The following JPH3 variants were observed in gnomAD, a reference collection of about 807,000 sequenced individuals.
JPH3 encodes junctophilin 3.
Under a neutral mutation model 59.6 loss-of-function variants are expected in JPH3, and 11 were observed. The ratio of observed to expected loss-of-function variants is 0.18; its 90% CI spans 0.12 to 0.31. JPH3 has a LOEUF of 0.31. JPH3 is among the 10% of genes least tolerant of loss of function. JPH3 has a pLI of 1.00. For synonymous variants in JPH3, 673 were observed against 483.6 expected (o/e 1.39, Z -5.14); for missense variants, 1,202 against 1,105.7 (o/e 1.09, Z -1.24).
intron 1 of JPH3, among the ~76,000 whole-genome samples, chr16:87,625,828 C>T (rs1329793932): frequency 1.3e-5 from 2 of 152,048 alleles, no homozygotes; most frequent in Non-Finnish European, 2.9e-5. Flanking sequence ...AGAACCGCAG[C>T]GGCTTGTAGA....
intron 2 of JPH3, among the ~76,000 whole-genome samples, chr16:87,675,951 A>G (rs146810432): frequency 1.3e-3 from 199 of 152,366 alleles, no homozygotes; most frequent in African/African-American, 4.3e-3. Flanking sequence ...CCATGAAACA[A>G]CAACAGCAAG....
intron 2 of JPH3, among the ~76,000 whole-genome samples, chr16:87,681,972 T>C (rs1306848010): frequency 6.6e-6 from 1 of 152,144 alleles, no homozygotes; most frequent in Non-Finnish European, 1.5e-5. Flanking sequence ...ATGAAAGCTG[T>C]GGACCCTCTG....
chr16:87,619,018 G>T (rs1597238908), intron 1 of JPH3, among the ~76,000 whole-genome samples: 1 of 151,978 alleles, frequency 6.6e-6, no homozygotes, highest in East Asian at 1.9e-4. Flanking sequence ...AACCTGGGAG[G>T]CAGAGGTTGC....
chr16:87,695,522 C>T, intron 4 of JPH3: 1 of 454,282 alleles, frequency 2.2e-6, no homozygotes, highest in Non-Finnish European at 4.4e-6. Flanking sequence ...CTGCGAGATG[C>T]AGGGCGTGGT....
chr16:87,669,070 C>T (rs1361979249), intron 2 of JPH3, among the ~76,000 whole-genome samples: 2 of 152,214 alleles, frequency 1.3e-5, no homozygotes, highest in Admixed American at 6.5e-5. Context: ...CTGCATCTCC[C>T]GGTGGCACAG....
At chr16:87,687,547 C>A (rs944664042) in intron 3 of JPH3, among the ~76,000 whole-genome samples, 18 of 152,358 alleles carry the variant, frequency 1.2e-4, no homozygotes, top group Admixed American at 2.6e-4. Context: ...GCCCAGGCCA[C>A]TTCCGGTGCC....
At chr16:87,642,799 C>T (rs1272174623) in intron 1 of JPH3, among the ~76,000 whole-genome samples, 3 of 152,240 alleles carry the variant, frequency 2.0e-5, no homozygotes, top group African/African-American at 2.4e-5. Flanking sequence ...ACACTGAGGG[C>T]CAGCGGGGCC....
At chr16:87,649,237 C>G (rs965436266) in intron 2 of JPH3, among the ~76,000 whole-genome samples, 1 of 152,200 alleles carries the variant, frequency 6.6e-6, no homozygotes, top group East Asian at 1.9e-4. Flanking sequence ...AGTGGGAACT[C>G]CCACTAGTGA....
intron 3 of JPH3, among the ~76,000 whole-genome samples, chr16:87,688,134 C>T (rs1248943844): frequency 6.6e-6 from 1 of 152,196 alleles, no homozygotes; most frequent in Non-Finnish European, 1.5e-5. Flanking sequence ...ACCCAACCAG[C>T]CCAGCCCTGT....
rs532043495 is a variant in JPH3, at chr16:87,636,801, C to T, written c.383-7457C>T. Among the ~76,000 whole-genome samples the T allele has an allele frequency of 7.9e-5, 12 of 152,352 alleles. No individual in the cohort carries two copies. In the East Asian group the frequency reaches 1.9e-3, roughly 24 times the overall value. On this transcript the variant is annotated intron_variant, in intron 1 of 4. Transcript: ENST00000284262. ...GTGCCGGGAGGCATGGCCAGAGCTC[C>T]GTCAGTTCATGCGTCGCTTAAACCT...
At chr16:87,682,510 A>G (rs1007461109) in intron 2 of JPH3, among the ~76,000 whole-genome samples, 2 of 152,184 alleles carry the variant, frequency 1.3e-5, no homozygotes, top group Non-Finnish European at 1.5e-5. Flanking sequence ...GAGGCCTCAG[A>G]GAGCACCCTC....
chr16:87,624,307 C>T (rs772835740), intron 1 of JPH3, among the ~76,000 whole-genome samples: 5 of 152,186 alleles, frequency 3.3e-5, no homozygotes, highest in Non-Finnish European at 7.3e-5. Context: ...TAGCTAGCTA[C>T]CCCTTCCCCA....
intron 2 of JPH3, among the ~76,000 whole-genome samples, chr16:87,662,823 AG>A (rs929132367): frequency 9.8e-5 from 15 of 152,302 alleles, no homozygotes; most frequent in Admixed American, 7.8e-4. Flanking sequence ...TCCACCTTCC[AG>A]GGGGCAGCCT....
rs1248397524 is a variant in JPH3 at position 87,644,573 on chromosome 16, G to T, written c.698G>T (p.Ser233Ile). The change falls in exon 2 of 5, where the codon AGC becomes ATC. Residue 233 changes from serine to isoleucine, a missense_variant. Ser to Ile is a moderately radical substitution (Grantham distance 142). Transcript: ENST00000284262. ...CTGCGCAAGTCGGAGTCCAAGAGCA[G>T]CCTGGCCAGCCAACGCAGCAAGCAG... ...LKLRKSESKS[S>I]LASQRSKQSS... The T allele has an allele frequency of 6.2e-7, 1 of 1,612,846 alleles. No homozygotes were observed. Among genetic ancestry groups the T allele is most frequent in the Non-Finnish European group, 8.5e-7 (1 of 1,179,806 alleles).
intron 2 of JPH3, among the ~76,000 whole-genome samples, chr16:87,660,472 C>A (rs1326190049): frequency 2.0e-5 from 3 of 152,138 alleles, no homozygotes; most frequent in Admixed American, 6.5e-5. Context: ...GTTCCGTGCT[C>A]CCCTTTTGCC....
chr16:87,667,534 C>A (rs1175137480), intron 2 of JPH3, among the ~76,000 whole-genome samples: 1 of 152,174 alleles, frequency 6.6e-6, no homozygotes, highest in South Asian at 2.1e-4. Flanking sequence ...TTTATCTGGT[C>A]TTTGGGGGCC....
intron 1 of JPH3, among the ~76,000 whole-genome samples, chr16:87,627,106 G>T (rs1325429994): frequency 2.0e-5 from 3 of 152,216 alleles, no homozygotes; most frequent in African/African-American, 4.8e-5. Context: ...GTGTCTCTGG[G>T]CCGGGGGGCG....
chr16:87,681,417 G>A (rs577714811), intron 2 of JPH3, among the ~76,000 whole-genome samples: 11 of 140,846 alleles, frequency 7.8e-5, no homozygotes, highest in Non-Finnish European at 3.1e-5. Context: ...ACAGTGCCGG[G>A]AGGTCAGGTG....
chr16:87,642,570 T>C (rs1422778725), intron 1 of JPH3, among the ~76,000 whole-genome samples: 1 of 152,274 alleles, frequency 6.6e-6, no homozygotes, highest in African/African-American at 2.4e-5. Context: ...GTCTGCAGCC[T>C]GTGCCACCGT....
Sources: gnomAD v4.1 joint callset for allele counts (sites outside exome capture counted in the v4.1 genomes callset) on GRCh38, gnomAD v4.1.1 for gene constraint, MANE v1.5 for transcripts, NCBI Gene and HGNC (gene_info 2026-07-23, HGNC 2026-07-21) for gene names.